RGPD8: variants seen among roughly 807,000 people sequenced by gnomAD.
The protein encoded by RGPD8 is RANBP2 like and GRIP domain containing 8.
In RGPD8, 15 loss-of-function variants were observed where a neutral mutation model predicts 89.1. The observed-to-expected ratio is 0.17, with a 90% confidence interval of 0.11 to 0.26. The LOEUF is 0.26. Among genes scored for constraint, RGPD8 ranks in the 10% least tolerant of loss-of-function variants. The pLI is 1.00. For missense variants in RGPD8, 178 were observed against 1,179.6 expected (o/e 0.15, Z 12.44); for synonymous variants, 62 against 420.9 (o/e 0.15, Z 10.44).
chr2:112,382,708 GTACACAATAAAATGAAAA>G (rs1678361265), intron 20 of RGPD8, among the ~76,000 whole-genome samples: 1 of 142,146 alleles, frequency 7.0e-6, no homozygotes, highest in African/African-American at 2.6e-5. Context: ...CCTTACAGAG[GTACACAATAAAATGAAAA>G]TATCAAATGA....
chr2:112,429,415 C>CA (rs71412832), intron 1 of RGPD8, among the ~76,000 whole-genome samples: 15,489 of 45,688 alleles, frequency 0.34, 2,797 homozygotes, highest in South Asian at 0.47. Context: ...GACTCCGTCT[C>CA]AAAAAAAAAA....
Position 112,380,978 on chromosome 2 carries a change from T to C in RGPD8, c.4922-15A>G. 2.3e-6 allele frequency: 2 copies of C among 865,848 alleles called. No homozygotes were observed. Among genetic ancestry groups the C allele is most frequent in the South Asian group, 1.8e-5 (1 of 56,188 alleles). The allele number at this position is 865,848 out of a possible 1,614,324, so 53.6% of individuals were successfully genotyped here. On this transcript the variant is annotated splice_polypyrimidine_tract_variant and intron_variant, in intron 20 of 22. Coordinates refer to ENST00000302558, the MANE Select transcript of RGPD8 (RefSeq NM_001164463.1). Reference sequence around the variant, plus strand: ...TAATGGAGGCTCTGCAAGATGTTGTTCCAAGAATTAATTTTCAAAATCATA... The same window carrying C: ...TAATGGAGGCTCTGCAAGATGTTGTCCCAAGAATTAATTTTCAAAATCATA...
chr2:112,370,911 A>G (rs1223630157), intron 22 of RGPD8, among the ~76,000 whole-genome samples: 1 of 151,662 alleles, frequency 6.6e-6, no homozygotes, highest in Non-Finnish European at 1.5e-5. Context: ...TTCTTCCTCT[A>G]TTCTGAAATA....
intron 22 of RGPD8, 150 bp from the exon 23 acceptor site, chr2:112,370,362 CTTTTTT>C (rs1215225125): frequency 4.3e-4 from 49 of 112,768 alleles, no homozygotes; most frequent in East Asian, 1.1e-3. Context: ...GGGGGGGGTT[CTTTTTT>C]TTTTTTTTTT....
chr2:112,429,332 C>T (rs549610878), intron 1 of RGPD8, among the ~76,000 whole-genome samples: 2,105 of 135,218 alleles, frequency 0.016, 20 homozygotes, highest in Middle Eastern at 0.036. Context: ...AGGAGAATGG[C>T]GTGAACCCCG....
intron 7 of RGPD8, among the ~76,000 whole-genome samples, chr2:112,411,254 C>A (rs1574010922): frequency 2.4e-5 from 3 of 126,916 alleles, no homozygotes; most frequent in Non-Finnish European, 3.2e-5. Context: ...GAAAGTTATG[C>A]AAGCTCATTA....
chr2:112,432,741 G>A, intron 1 of RGPD8: 3 of 985,292 alleles, frequency 3.0e-6, no homozygotes, highest in Non-Finnish European at 2.4e-6. Context: ...GGGCCAGGGC[G>A]AGCCCACGAG....
At chr2:112,379,518 C>A (rs1159432767) in intron 21 of RGPD8, among the ~76,000 whole-genome samples, 3 of 149,674 alleles carry the variant, frequency 2.0e-5, no homozygotes, top group African/African-American at 4.9e-5. Context: ...TCGCTTGAAC[C>A]TGGGAGGCGG....
rs542919779 is a variant in RGPD8, at chr2:112,426,391, G to A, written c.73-2084C>T. Among the ~76,000 whole-genome samples, 8 of 150,474 alleles carry A rather than the reference G, an allele frequency of 5.3e-5. No homozygotes were observed. In the East Asian group the frequency reaches 1.2e-3, roughly 22 times the overall value. On this transcript the variant is annotated intron_variant, in intron 1 of 22. Transcript: ENST00000302558. ...CCTGGGTAGGACGGAGCAGGAGGCC[G>A]TGAGATTTTTATCATGTTATTCAGA...
intron 7 of RGPD8, among the ~76,000 whole-genome samples, chr2:112,411,263 T>TAAA (rs544543428): frequency 2.4e-5 from 2 of 83,062 alleles, no homozygotes; most frequent in African/African-American, 1.1e-4. Flanking sequence ...GCAAGCTCAT[T>TAAA]AAAAAAAAAA....
intron 7 of RGPD8, among the ~76,000 whole-genome samples, chr2:112,408,718 G>C (rs1415621298): frequency 6.6e-6 from 1 of 151,618 alleles, no homozygotes; most frequent in East Asian, 1.9e-4. Flanking sequence ...CGCCAGGCTG[G>C]AGTGCTGCAG....
intron 1 of RGPD8, among the ~76,000 whole-genome samples, chr2:112,431,311 C>T (rs1179930990): frequency 6.6e-6 from 1 of 152,086 alleles, no homozygotes; most frequent in Non-Finnish European, 1.5e-5. Flanking sequence ...GTTACAGGAA[C>T]CCTCAATTAA....
At chr2:112,425,861 G>A (rs562779708) in intron 1 of RGPD8, among the ~76,000 whole-genome samples, 1 of 151,890 alleles carries the variant, frequency 6.6e-6, no homozygotes, top group South Asian at 2.1e-4. Flanking sequence ...CAAGACCCCA[G>A]TGAATGTCCA....
chr2:112,372,322 T>A (rs765245113), intron 22 of RGPD8, among the ~76,000 whole-genome samples: 1 of 164 alleles, frequency 6.1e-3, no homozygotes, highest in Non-Finnish European at 0.015. Flanking sequence ...ACATAACTCA[T>A]TAGGTTAGCC....
intron 6 of RGPD8, among the ~76,000 whole-genome samples, chr2:112,415,877 C>A (rs1679383354): frequency 1.4e-5 from 2 of 143,000 alleles, no homozygotes; most frequent in South Asian, 2.2e-4. Context: ...AAGACTCAGT[C>A]TCAAAAAAAA....
chr2:112,426,091 C>T (rs1471975674), intron 1 of RGPD8, among the ~76,000 whole-genome samples: 1 of 151,932 alleles, frequency 6.6e-6, no homozygotes, highest in African/African-American at 2.4e-5. Context: ...TACCATAGAT[C>T]TCAGCAACCC....
intron 6 of RGPD8, among the ~76,000 whole-genome samples, chr2:112,416,355 T>C (rs1188304231): frequency 6.6e-6 from 1 of 151,032 alleles, no homozygotes; most frequent in Non-Finnish European, 1.5e-5. Context: ...TGAAATGAAC[T>C]TCTTTCCTTA....
intron 22 of RGPD8, among the ~76,000 whole-genome samples, chr2:112,371,088 T>C (rs1452699005): frequency 6.6e-6 from 1 of 151,140 alleles, no homozygotes; most frequent in African/African-American, 2.4e-5. Flanking sequence ...GAAGCTTATA[T>C]ACAACTTAGA....
intron 1 of RGPD8, among the ~76,000 whole-genome samples, chr2:112,429,996 A>G (rs373133730): frequency 1.1e-3 from 165 of 152,252 alleles, no homozygotes; most frequent in African/African-American, 3.1e-3. Flanking sequence ...TAATAGAGAC[A>G]GATTTTCACC....
Sources: gnomAD v4.1 joint callset for allele counts (sites outside exome capture counted in the v4.1 genomes callset) on GRCh38, gnomAD v4.1.1 for gene constraint, MANE v1.5 for transcripts, NCBI Gene and HGNC (gene_info 2026-07-23, HGNC 2026-07-21) for gene names.